The following ULK4 variants were observed in gnomAD, a reference collection of about 807,000 sequenced individuals.
The protein encoded by ULK4 is unc-51 like kinase 4, also known as inactive serine/threonine-protein kinase ULK4.
Under a neutral mutation model 160.6 loss-of-function variants are expected in ULK4, and 133 were observed. The ratio of observed to expected loss-of-function variants is 0.83; its 90% confidence interval spans 0.72 to 0.96. The LOEUF (loss-of-function observed/expected upper bound fraction) is 0.96. Among genes scored for constraint, ULK4 ranks in the 40% least tolerant of loss-of-function variants. The pLI is 0.00. For synonymous variants in ULK4, 534 were observed against 539.8 expected, an observed-to-expected ratio of 0.99 and a Z score of 0.15; for missense variants, 1,580 against 1,499.5, an observed-to-expected ratio of 1.05 and a Z score of -0.89.
At chr3:41,657,123 G>A (rs559935672) in intron 30 of ULK4, among the ~76,000 whole-genome samples, 2 of 151,786 alleles carry the variant, frequency 1.3e-5, no homozygotes, top group African/African-American at 4.8e-5. Flanking sequence ...GATCCACCAG[G>A]GCAGTACTGT....
At chr3:41,938,277 T>C (rs1559663191) in intron 2 of ULK4, 80 bp from the exon 3 acceptor site, 1 of 1,016,402 alleles carries the variant, frequency 9.8e-7, no homozygotes, top group Admixed American at 2.3e-5. Context: ...AAATATACAA[T>C]TGGTAAATGG....
chr3:41,820,720 G>A (rs769091571), intron 18 of ULK4, among the ~76,000 whole-genome samples: 9 of 152,022 alleles, frequency 5.9e-5, no homozygotes, highest in Non-Finnish European at 1.2e-4. Flanking sequence ...ACCCCAAACC[G>A]CAGCATCATC....
intron 35 of ULK4, among the ~76,000 whole-genome samples, chr3:41,364,366 G>A (rs1409740810): frequency 6.6e-6 from 1 of 152,138 alleles, no homozygotes; most frequent in Non-Finnish European, 1.5e-5. Context: ...AACAACACTG[G>A]CCCACCTGCC....
intron 32 of ULK4, among the ~76,000 whole-genome samples, chr3:41,500,698 A>G (rs551468901): frequency 1.6e-4 from 25 of 152,284 alleles, no homozygotes; most frequent in African/African-American, 6.0e-4. Context: ...GGTACCAAGC[A>G]CAGCCAGTTC....
At chr3:41,381,067 T>A (rs1464237607) in intron 35 of ULK4, among the ~76,000 whole-genome samples, 1 of 152,112 alleles carries the variant, frequency 6.6e-6, no homozygotes, top group Non-Finnish European at 1.5e-5. Context: ...AGAGAACACC[T>A]TCTACTCTTA....
intron 32 of ULK4, among the ~76,000 whole-genome samples, chr3:41,561,816 T>G (rs908794688): frequency 6.6e-6 from 1 of 152,210 alleles, no homozygotes; most frequent in Non-Finnish European, 1.5e-5. Context: ...AACCAGCTCC[T>G]GGATTCACTG....
chr3:41,544,245 T>C (rs1452691978), intron 32 of ULK4, among the ~76,000 whole-genome samples: 1 of 152,232 alleles, frequency 6.6e-6, no homozygotes, highest in Admixed American at 6.5e-5. Flanking sequence ...TTATAAAGTC[T>C]ATATTCCCTG....
chr3:41,853,966 T>C (rs1415415058), intron 17 of ULK4: 2 of 152,182 alleles, frequency 1.3e-5, no homozygotes, highest in Admixed American at 6.6e-5. Flanking sequence ...TCATTAAACA[T>C]GTATACTTAG....
At chr3:41,823,137 T>C (rs1273845925) in intron 18 of ULK4, among the ~76,000 whole-genome samples, 1 of 152,146 alleles carries the variant, frequency 6.6e-6, no homozygotes, top group Non-Finnish European at 1.5e-5. Flanking sequence ...GCTGGCTCCA[T>C]CTCAGATCAC....
At chr3:41,388,125 T>C (rs1289190023) in intron 35 of ULK4, among the ~76,000 whole-genome samples, 1 of 152,192 alleles carries the variant, frequency 6.6e-6, no homozygotes, top group Non-Finnish European at 1.5e-5. Flanking sequence ...TGATGGCCAG[T>C]GATGATGAGC....
chr3:41,937,212 TAC>T, intron 3 of ULK4: 3 of 516,290 alleles, frequency 5.8e-6, no homozygotes, highest in Non-Finnish European at 1.0e-5. Context: ...AGGCATGTTT[TAC>T]AGTTAGGATA....
rs1553654814 is a variant in ULK4 at position 41,794,686 on chromosome 3, A to AAAAAAAAAAAAAAAAAC, written c.2011-4844_2011-4843insGTTTTTTTTTTTTTTTT. ...AAAAAAAAAAAAAAAAAAAAAAAAA[A>AAAAAAAAAAAAAAAAAC]CACAGAAAAAAAAACCACAAACCTG... On this transcript the variant is annotated intron_variant, in intron 20 of 36. Coordinates refer to ENST00000301831, the MANE Select transcript of ULK4 (RefSeq NM_017886.4). Among the ~76,000 whole-genome samples, 38 of 112,422 alleles carry AAAAAAAAAAAAAAAAAC rather than the reference A, an allele frequency of 3.4e-4. 2 individuals carry two copies. Among genetic ancestry groups the AAAAAAAAAAAAAAAAAC allele is most frequent in the African/African-American group, 1.3e-3 (32 of 24,160 alleles). The allele number at this position is 112,422 out of a possible 152,430, so 73.8% of individuals were successfully genotyped here. A position where few individuals can be genotyped will look rare whatever the true frequency, so the allele number is the denominator to read the frequency against.
At chr3:41,842,801 T>A (rs2125663361) in intron 17 of ULK4, among the ~76,000 whole-genome samples, 1 of 152,300 alleles carries the variant, frequency 6.6e-6, no homozygotes, top group East Asian at 1.9e-4. Context: ...CAAAACAGGC[T>A]AACACAGGCA....
intron 35 of ULK4, among the ~76,000 whole-genome samples, chr3:41,336,841 G>C (rs2080569129): frequency 6.6e-6 from 1 of 152,156 alleles, no homozygotes; most frequent in South Asian, 2.1e-4. Context: ...AGGAAGCTGT[G>C]TGATTACAGC....
chr3:41,738,415 G>A (rs1282241182), intron 22 of ULK4, among the ~76,000 whole-genome samples: 1 of 151,868 alleles, frequency 6.6e-6, no homozygotes, highest in Non-Finnish European at 1.5e-5. Flanking sequence ...CATGTTCACT[G>A]CCTTGCCTCA....
At chr3:41,877,836 T>A (rs1338168736) in intron 17 of ULK4, among the ~76,000 whole-genome samples, 1 of 151,344 alleles carries the variant, frequency 6.6e-6, no homozygotes, top group Non-Finnish European at 1.5e-5. Context: ...ACAAAATTAG[T>A]CGGGCATGAT....
intron 35 of ULK4, among the ~76,000 whole-genome samples, chr3:41,351,213 C>G (rs73831334): frequency 0.012 from 1,785 of 152,312 alleles, 30 homozygotes; most frequent in African/African-American, 0.04. Context: ...CCTGAAAAAG[C>G]TGGTGATTCA....
chr3:41,485,443 A>G (rs1182991476), intron 32 of ULK4, among the ~76,000 whole-genome samples: 1 of 152,238 alleles, frequency 6.6e-6, no homozygotes, highest in Non-Finnish European at 1.5e-5. Flanking sequence ...TAAGTAAATA[A>G]GAAGGGAGAG....
chr3:41,390,147 G>C (rs1283565896), intron 35 of ULK4, among the ~76,000 whole-genome samples: 1 of 152,150 alleles, frequency 6.6e-6, no homozygotes, highest in Non-Finnish European at 1.5e-5. Context: ...AGATTTTCTA[G>C]TTTATTTGCT....
Sources: gnomAD v4.1 joint callset for allele counts (sites outside exome capture counted in the v4.1 genomes callset) on GRCh38, gnomAD v4.1.1 for gene constraint, MANE v1.5 for transcripts, NCBI Gene and HGNC (gene_info 2026-07-23, HGNC 2026-07-21) for gene names.